The following PRICKLE1 variants were observed in gnomAD, a reference collection of about 807,000 sequenced individuals.
PRICKLE1 encodes prickle planar cell polarity protein 1, also known as prickle-like protein 1.
A neutral mutation model predicts 70.2 loss-of-function variants in PRICKLE1; 14 were observed. The ratio of observed to expected loss-of-function variants is 0.20; its 90% confidence interval spans 0.13 to 0.31. The LOEUF (loss-of-function observed/expected upper bound fraction) is 0.31. Ranked by LOEUF, PRICKLE1 falls within the 10% of genes least tolerant of loss-of-function variation. The pLI, the probability that PRICKLE1 is intolerant of heterozygous loss-of-function variation, is 1.00. For missense variants in PRICKLE1, 821 were observed against 1,026.2 expected, an observed-to-expected ratio of 0.80 and a Z score of 2.73; for synonymous variants, 357 against 379.9, an observed-to-expected ratio of 0.94 and a Z score of 0.70.
At position 42,559,606 on chromosome 12, in the gene PRICKLE1, GTA is replaced by G. The variant is rs1202538313; in HGVS notation, c.-49+29857_-49+29858del. On this transcript the variant is annotated intron_variant, in intron 1 of 7. Coordinates refer to ENST00000345127, the MANE Select transcript of PRICKLE1 (RefSeq NM_153026.3). ...TGTGTTTATGTGTGTGTGTGTGTGT[GTA>G]TATATATATATATATATTTTTTTTT... Among the ~76,000 whole-genome samples the G allele has an allele frequency of 1.3e-3, 142 of 110,714 alleles. 1 individual carries two copies. The highest frequency in any genetic ancestry group is 4.1e-3 in the East Asian group (14 of 3,384). 72.6% of individuals were successfully genotyped at this position (110,714 alleles called of 152,430 possible).
In PRICKLE1 at chr12:42,460,013, A is replaced by G; in HGVS notation, c.2292T>C (p.Ser764=). 5.0e-6 allele frequency: 8 copies of G among 1,614,066 alleles called. No homozygotes were observed. Among genetic ancestry groups the G allele is most frequent in the East Asian group, 2.2e-5 (1 of 44,858 alleles). The part of the protein sequence containing the change: ...LYGEDDDSWC[S]SSSSSSDSEE... ...CCGAGTCGGAAGAGGAGGAGGAGGA[A>G]GAACACCAGGAATCATCATCCTCGC... The change falls in exon 8 of 8, where the codon TCT becomes TCC. Residue 764 remains serine, a synonymous_variant. Coordinates refer to ENST00000345127, the MANE Select transcript of PRICKLE1 (RefSeq NM_153026.3).
intron 1 of PRICKLE1, 126 bp from the exon 2 acceptor site, chr12:42,472,690 T>C: frequency 1.3e-6 from 1 of 760,282 alleles, no homozygotes; most frequent in Non-Finnish European, 2.1e-6. Context: ...ACCAAATTAC[T>C]ACTGTCACCA....
chr12:42,493,295 G>A (rs2140172799), intron 1 of PRICKLE1, among the ~76,000 whole-genome samples: 1 of 152,182 alleles, frequency 6.6e-6, no homozygotes, highest in South Asian at 2.1e-4. Context: ...TGATTACTAT[G>A]CACTGCAAAC....
rs1939245099 is a variant in PRICKLE1 at position 42,498,316 on chromosome 12, G to GGT, written c.-48-25754_-48-25753dup. On this transcript the variant is annotated intron_variant, in intron 1 of 7. Coordinates refer to ENST00000345127, the MANE Select transcript of PRICKLE1 (RefSeq NM_153026.3). ...GCCCTGCTGAGTAGCTGGGACTATA[G>GGT]GTGTGTGTCACCACCCTGGTTAATT... Among the ~76,000 whole-genome samples the GGT allele has an allele frequency of 2.0e-5, 3 of 151,866 alleles. No individual in the cohort carries two copies. In the South Asian group the frequency reaches 6.2e-4, roughly 32 times the overall value.
Position 42,501,531 on chromosome 12 carries a change from G to T in PRICKLE1, c.-48-28967C>A, listed in dbSNP as rs2141932. ...CTCAAAAAAAAAAAAAAAAAAAAAA[G>T]AAAAGAAAAGAGGAGAGCAAATTCC... On this transcript the variant is annotated intron_variant, in intron 1 of 7. Coordinates refer to ENST00000345127, the MANE Select transcript of PRICKLE1 (RefSeq NM_153026.3). Among the ~76,000 whole-genome samples the T allele has an allele frequency of 8.2e-5, 6 of 73,420 alleles. 1 individual carries two copies. Among genetic ancestry groups the T allele is most frequent in the Non-Finnish European group, 1.3e-4 (6 of 46,504 alleles). 48.2% of individuals were successfully genotyped at this position (73,420 alleles called of 152,430 possible). A position where few individuals can be genotyped will look rare whatever the true frequency, so the allele number is the denominator to read the frequency against.
At chr12:42,501,974 G>A (rs994064979) in intron 1 of PRICKLE1, among the ~76,000 whole-genome samples, 40 of 152,246 alleles carry the variant, frequency 2.6e-4, no homozygotes, top group African/African-American at 8.9e-4. Context: ...GGAGCAATTC[G>A]AAGAAGGTGG....
chr12:42,473,901 CCTGAGA>C (rs750611708), intron 1 of PRICKLE1, among the ~76,000 whole-genome samples: 6 of 152,140 alleles, frequency 3.9e-5, no homozygotes, highest in African/African-American at 9.7e-5. Flanking sequence ...ACACTTTCAG[CCTGAGA>C]CTAAGTCATT....
intron 1 of PRICKLE1, among the ~76,000 whole-genome samples, chr12:42,505,647 G>A (rs537096087): frequency 6.6e-6 from 1 of 152,216 alleles, no homozygotes; most frequent in South Asian, 2.1e-4. Context: ...TATTGGTCAG[G>A]CTGGTCTGAA....
At chr12:42,575,125 A>C (rs1285205279) in intron 1 of PRICKLE1, among the ~76,000 whole-genome samples, 1 of 152,102 alleles carries the variant, frequency 6.6e-6, no homozygotes, top group Non-Finnish European at 1.5e-5. Flanking sequence ...CTGAAATTCA[A>C]ACCTGGCAGT....
intron 1 of PRICKLE1, among the ~76,000 whole-genome samples, chr12:42,533,426 T>C (rs1367864853): frequency 6.6e-6 from 1 of 152,306 alleles, no homozygotes; most frequent in East Asian, 1.9e-4. Context: ...TCATTGTCCA[T>C]AGAGAATAAT....
At chr12:42,578,629 A>G (rs972523787) in intron 1 of PRICKLE1, among the ~76,000 whole-genome samples, 2 of 112,978 alleles carry the variant, frequency 1.8e-5, no homozygotes, top group Non-Finnish European at 4.3e-5. Flanking sequence ...ACTCCACTTC[A>G]GCTGGGGGGA....
At position 42,457,628 on chromosome 12, in the gene PRICKLE1, G is replaced by A. The variant is rs1239080445; in HGVS notation, c.*2181C>T. 6.6e-6 allele frequency: 1 copy of A among 152,216 alleles called. No individual in the cohort carries two copies. Among genetic ancestry groups the A allele is most frequent in the African/African-American group, 2.4e-5 (1 of 41,448 alleles). 9.4% of individuals were successfully genotyped at this position (152,216 alleles called of 1,614,324 possible). A position where few individuals can be genotyped will look rare whatever the true frequency, so the allele number is the denominator to read the frequency against. ...TCCCGATTTATGTGCACATGTGCCA[G>A]TGTAGCATAATGTATGAGGAAAGTC... On this transcript the variant is annotated 3_prime_UTR_variant, in exon 8 of 8. Coordinates refer to ENST00000345127, the MANE Select transcript of PRICKLE1 (RefSeq NM_153026.3).
chr12:42,466,202 T>C lies in PRICKLE1; in HGVS notation c.767A>G (p.Glu256Gly). 6.2e-7 allele frequency: 1 copy of C among 1,614,086 alleles called. No individual in the cohort carries two copies. Among genetic ancestry groups the C allele is most frequent in the Non-Finnish European group, 8.5e-7 (1 of 1,180,014 alleles). Reference sequence around the variant, plus strand: ...GCTGGCTGTGGACTTACCAATATGTTCCCCACAGGTTTCACAGTACTCCGC... The same window carrying C: ...GCTGGCTGTGGACTTACCAATATGTCCCCCACAGGTTTCACAGTACTCCGC... The part of the protein sequence containing the change: ...LYAEYCETCG[E>G]HIGVDHAQMT... The change falls in exon 6 of 8, where the codon GAA (glutamate) becomes GGA (glycine). Residue 256 changes from glutamate (E) to glycine (G), a missense_variant. Glu to Gly is a moderately conservative substitution (Grantham distance 98). Coordinates refer to ENST00000345127, the MANE Select transcript of PRICKLE1 (RefSeq NM_153026.3).
At chr12:42,525,410 A>G (rs1010285364) in intron 1 of PRICKLE1, among the ~76,000 whole-genome samples, 2 of 152,310 alleles carry the variant, frequency 1.3e-5, no homozygotes, top group Middle Eastern at 3.4e-3. Flanking sequence ...GGGAACCCCA[A>G]TATAGAGCTG....
chr12:42,493,235 A>C (rs1203877150), intron 1 of PRICKLE1, among the ~76,000 whole-genome samples: 1 of 152,194 alleles, frequency 6.6e-6, no homozygotes, highest in African/African-American at 2.4e-5. Context: ...ACTGGATTGT[A>C]ACACAAAGGA....
intron 1 of PRICKLE1, among the ~76,000 whole-genome samples, chr12:42,493,297 A>T (rs1434433916): frequency 6.6e-6 from 1 of 152,236 alleles, no homozygotes; most frequent in Non-Finnish European, 1.5e-5. Context: ...ATTACTATGC[A>T]CTGCAAACCT....
At chr12:42,531,327 T>C (rs1939914854) in intron 1 of PRICKLE1, among the ~76,000 whole-genome samples, 1 of 152,204 alleles carries the variant, frequency 6.6e-6, no homozygotes, top group African/African-American at 2.4e-5. Context: ...ATTACAGGCG[T>C]GAGCCACCGC....
At chr12:42,548,051 T>G (rs973619929) in intron 1 of PRICKLE1, among the ~76,000 whole-genome samples, 3 of 152,160 alleles carry the variant, frequency 2.0e-5, no homozygotes, top group African/African-American at 4.8e-5. Context: ...TTTGTTTGTT[T>G]GTTTTGTGTT....
At chr12:42,558,979 C>T (rs1396752453) in intron 1 of PRICKLE1, among the ~76,000 whole-genome samples, 5 of 152,208 alleles carry the variant, frequency 3.3e-5, no homozygotes, top group African/African-American at 1.2e-4. Flanking sequence ...GCAACAAGTC[C>T]TAGCTTTCAG....
Sources: gnomAD v4.1 joint callset for allele counts (sites outside exome capture counted in the v4.1 genomes callset) on GRCh38, gnomAD v4.1.1 for gene constraint, MANE v1.5 for transcripts, NCBI Gene and HGNC (gene_info 2026-07-23, HGNC 2026-07-21) for gene names.